EYS: variants seen among roughly 807,000 people sequenced by gnomAD.
EYS encodes EGF-like photoreceptor maintenance factor.
A neutral mutation model predicts 282.1 loss-of-function variants in EYS; 250 were observed. The ratio of observed to expected loss-of-function variants is 0.89; its 90% confidence interval spans 0.80 to 0.98. EYS has a LOEUF of 0.98. Ranked by LOEUF, EYS falls within the 50% of genes least tolerant of loss-of-function variation. The pLI, the probability that EYS is intolerant of heterozygous loss-of-function variation, is 0.00. For missense variants in EYS, 4,016 were observed against 3,709.0 expected (o/e 1.08, Z -2.15); for synonymous variants, 1,355 against 1,282.9 (o/e 1.06, Z -1.20).
chr6:65,388,034 A>G (rs1765867209), intron 7 of EYS, among the ~76,000 whole-genome samples: 2 of 152,014 alleles, frequency 1.3e-5, no homozygotes, highest in African/African-American at 4.8e-5. Flanking sequence ...GCATGCTTAC[A>G]TACTGTGACT....
intron 30 of EYS, among the ~76,000 whole-genome samples, chr6:64,264,253 CT>C (rs1767683704): frequency 6.6e-6 from 1 of 152,122 alleles, no homozygotes; most frequent in South Asian, 2.1e-4. Flanking sequence ...CACACTTTTA[CT>C]TAACTCACAA....
intron 14 of EYS, among the ~76,000 whole-genome samples, chr6:64,983,731 AT>A (rs566370249): frequency 2.1e-4 from 32 of 149,080 alleles, no homozygotes; most frequent in African/African-American, 5.4e-4. Context: ...TTTCTAGGTA[AT>A]TTTTTTTTTC....
intron 1 of EYS, among the ~76,000 whole-genome samples, chr6:65,698,137 T>C (rs1025112116): frequency 1.4e-4 from 21 of 152,250 alleles, no homozygotes; most frequent in Non-Finnish European, 2.8e-4. Context: ...GAAATACTTA[T>C]TTGTCTGACA....
intron 37 of EYS, among the ~76,000 whole-genome samples, chr6:63,792,943 T>A (rs973615776): frequency 4.6e-5 from 7 of 152,214 alleles, no homozygotes; most frequent in African/African-American, 1.4e-4. Flanking sequence ...ACAATATGCA[T>A]GTTTGCTCTT....
intron 14 of EYS, among the ~76,000 whole-genome samples, chr6:64,947,607 G>T (rs1161548288): frequency 1.4e-5 from 2 of 147,854 alleles, no homozygotes; most frequent in Admixed American, 6.7e-5. Context: ...CTCCATGAGT[G>T]TGGTAACATT....
At chr6:65,453,996 G>T (rs1451942905) in intron 5 of EYS, among the ~76,000 whole-genome samples, 3 of 151,538 alleles carry the variant, frequency 2.0e-5, no homozygotes, top group African/African-American at 7.3e-5. Context: ...GTATGAAAGT[G>T]CAGATATCTC....
intron 13 of EYS, among the ~76,000 whole-genome samples, chr6:65,018,241 G>T (rs1772118950): frequency 6.6e-6 from 1 of 152,138 alleles, no homozygotes; most frequent in African/African-American, 2.4e-5. Flanking sequence ...GACCATTCTG[G>T]AGTCTAGAAG....
chr6:64,643,112 T>TCC (rs34581754), intron 22 of EYS, among the ~76,000 whole-genome samples: 12,741 of 141,598 alleles, frequency 0.09, 680 homozygotes, highest in East Asian at 0.13. Context: ...TGAAACTCCA[T>TCC]CCCCCCCCCC....
rs1014687591 is a variant in EYS, at chr6:63,726,626, A to G, written c.8126T>C (p.Phe2709Ser). 18 of 1,551,244 alleles carry G rather than the reference A, an allele frequency of 1.2e-5. No homozygotes were observed. Among genetic ancestry groups the G allele is most frequent in the Non-Finnish European group, 1.6e-5 (18 of 1,146,766 alleles). Residue 2709 changes from phenylalanine (F) to serine (S), a missense_variant, in exon 42 of 43, where the codon TTT becomes TCT. By Grantham distance (155) the Phe-to-Ser change is radical. Coordinates refer to ENST00000503581, the MANE Select transcript of EYS (RefSeq NM_001142800.2). The stretch of plus-strand genomic sequence containing the variant: ...CTTTTTTCGAACATGAAAGGAAGCA[A>G]AAGACATCCAGGATAACTCATTGCT... ...FRSNELSWMS[F>S]ASFHVRKKTH... is the part of the protein sequence containing the mutation.
chr6:65,668,148 T>G (rs1294492233), intron 1 of EYS, among the ~76,000 whole-genome samples: 2 of 151,852 alleles, frequency 1.3e-5, no homozygotes, highest in African/African-American at 2.4e-5. Flanking sequence ...TCATATTTCT[T>G]CCTGTTTTCT....
chr6:64,508,868 A>C (rs1316189703), intron 26 of EYS, among the ~76,000 whole-genome samples: 1 of 151,832 alleles, frequency 6.6e-6, no homozygotes, highest in Non-Finnish European at 1.5e-5. Context: ...TAATTTCCTT[A>C]CTGTATCATT....
chr6:64,926,242 C>T (rs1390981279), intron 15 of EYS, among the ~76,000 whole-genome samples: 2 of 152,144 alleles, frequency 1.3e-5, no homozygotes, highest in Non-Finnish European at 2.9e-5. Flanking sequence ...ACCACATTTG[C>T]CTCTCAATTC....
chr6:63,921,898 A>T (rs2149744171), intron 35 of EYS, among the ~76,000 whole-genome samples: 1 of 152,346 alleles, frequency 6.6e-6, no homozygotes, highest in African/African-American at 2.4e-5. Context: ...TTATTAACAC[A>T]CATCTTCTAT....
chr6:63,732,693 TTTTAGA>T (rs1319057945), intron 41 of EYS, among the ~76,000 whole-genome samples: 1 of 152,200 alleles, frequency 6.6e-6, no homozygotes, highest in Non-Finnish European at 1.5e-5. Context: ...GCTATCCATC[TTTTAGA>T]TTTAGTGACC....
In EYS at chr6:64,651,567, C is replaced by T. The variant is rs985742935; in HGVS notation, c.3444-25322G>A. 2.0e-5 allele frequency among the ~76,000 whole-genome samples: 3 copies of T among 152,158 alleles called. No individual in the cohort carries two copies. In the East Asian group the frequency reaches 5.8e-4, roughly 29 times the overall value. ...GCACAGTGGCTTACGCCTGTAATCCCATCACATCGGGAGGCTGAGACGGGA... is the reference window on the plus strand; with the variant it reads ...GCACAGTGGCTTACGCCTGTAATCCTATCACATCGGGAGGCTGAGACGGGA... On this transcript the variant is annotated intron_variant, in intron 22 of 42. Transcript: ENST00000503581.
chr6:64,860,228 T>A (rs1583231757), intron 19 of EYS, among the ~76,000 whole-genome samples: 1 of 152,228 alleles, frequency 6.6e-6, no homozygotes, highest in African/African-American at 2.4e-5. Flanking sequence ...GGGCTGTCAC[T>A]TTGCCAGCCA....
chr6:65,385,070 G>A (rs969275725), intron 7 of EYS, among the ~76,000 whole-genome samples: 2 of 151,810 alleles, frequency 1.3e-5, no homozygotes, highest in Admixed American at 1.3e-4. Flanking sequence ...AACACACACT[G>A]GTGTTCTGGC....
At chr6:65,592,902 G>A (rs141355435) in intron 2 of EYS, among the ~76,000 whole-genome samples, 265 of 152,050 alleles carry the variant, frequency 1.7e-3, no homozygotes, top group Middle Eastern at 6.8e-3. Flanking sequence ...ATTCCTGCAC[G>A]TAGCATCCTT....
intron 27 of EYS, 84 bp from the exon 28 acceptor site, chr6:64,436,349 T>C (rs1232072950): frequency 5.6e-6 from 4 of 709,898 alleles, no homozygotes; most frequent in Non-Finnish European, 9.7e-6. Context: ...TTATTATTTA[T>C]CAATATATTT....
Sources: gnomAD v4.1 joint callset for allele counts (sites outside exome capture counted in the v4.1 genomes callset) on GRCh38, gnomAD v4.1.1 for gene constraint, MANE v1.5 for transcripts, NCBI Gene and HGNC (gene_info 2026-07-23, HGNC 2026-07-21) for gene names.